Variants in DCPH1 observed in about 807,000 individuals in gnomAD.
The protein encoded by DCPH1 is damage control phosphatase 1.
chr6:151,464,356 T>G, the DCPH1 span: 1 of 748,232 alleles, frequency 1.3e-6, no homozygotes, highest in Non-Finnish European at 2.2e-6. Context: ...CTGTTAGCAC[T>G]GATTATTGAG....
chr6:151,466,369 G>GA, the DCPH1 span, among the ~76,000 whole-genome samples: 1 of 151,394 alleles, frequency 6.6e-6, no homozygotes, highest in Non-Finnish European at 1.5e-5. Context: ...TTCTTTGAAT[G>GA]TGTTCTTTGT....
chr6:151,468,980 C>A, the DCPH1 span: 4 of 1,614,170 alleles, frequency 2.5e-6, no homozygotes, highest in Non-Finnish European at 3.4e-6. Flanking sequence ...CCACTCTGTA[C>A]CATAAGAACA....
At chr6:151,461,367 G>A in the DCPH1 span, among the ~76,000 whole-genome samples, 2 of 150,742 alleles carry the variant, frequency 1.3e-5, no homozygotes, top group African/African-American at 2.4e-5. Flanking sequence ...AAGGAAGGTG[G>A]CTTCAAAAAT....
the DCPH1 span, chr6:151,452,775 A>AGGGAGCCTGCCCGCGGC: frequency 1.8e-6 from 1 of 570,718 alleles, no homozygotes; most frequent in South Asian, 2.2e-5. Flanking sequence ...GGCCCCGGGG[A>AGGGAGCCTGCCCGCGGC]GGGAGCCTGC....
chr6:151,453,540 G>A, the DCPH1 span, among the ~76,000 whole-genome samples: 2 of 152,162 alleles, frequency 1.3e-5, no homozygotes, highest in Non-Finnish European at 2.9e-5. Flanking sequence ...GTTTTGGGTG[G>A]TACTGAAAGC....
the DCPH1 span, among the ~76,000 whole-genome samples, chr6:151,456,087 G>C: frequency 2.6e-5 from 4 of 152,224 alleles, no homozygotes; most frequent in African/African-American, 7.2e-5. Flanking sequence ...TCTCAAGGCA[G>C]AAGAATTTTT....
the DCPH1 span, among the ~76,000 whole-genome samples, chr6:151,462,957 C>T: frequency 6.6e-6 from 1 of 152,168 alleles, no homozygotes; most frequent in East Asian, 1.9e-4. Flanking sequence ...GTCTCTGTTG[C>T]AGCTGCCGAA....
the DCPH1 span, among the ~76,000 whole-genome samples, chr6:151,456,132 A>G: frequency 1.3e-5 from 2 of 152,312 alleles, no homozygotes; most frequent in African/African-American, 2.4e-5. Flanking sequence ...TCCTATGTCT[A>G]CTTCTTTCTA....
At chr6:151,464,554 T>G in the DCPH1 span, 1 of 1,612,154 alleles carries the variant, frequency 6.2e-7, no homozygotes, top group Non-Finnish European at 8.5e-7. Flanking sequence ...CTGCAACAAT[T>G]GATAAGAACT....
the DCPH1 span, chr6:151,468,720 G>T: frequency 8.7e-6 from 14 of 1,614,156 alleles, no homozygotes; most frequent in Non-Finnish European, 1.1e-5. Flanking sequence ...ATAAGTGGAT[G>T]TCCAAGTGTG....
the DCPH1 span, chr6:151,468,936 A>G: frequency 1.9e-6 from 3 of 1,614,166 alleles, no homozygotes; most frequent in Admixed American, 1.7e-5. Context: ...TTTCTGTTCC[A>G]TTTCATCAGG....
At chr6:151,460,714 G>A in the DCPH1 span, among the ~76,000 whole-genome samples, 2 of 151,978 alleles carry the variant, frequency 1.3e-5, no homozygotes, top group South Asian at 2.1e-4. Context: ...AACCCAGGAG[G>A]CGGAGGTTGC....
the DCPH1 span, among the ~76,000 whole-genome samples, chr6:151,466,924 T>A: frequency 0.13 from 20,336 of 151,838 alleles, 1,684 homozygotes; most frequent in East Asian, 0.38. Context: ...GCCTTTTTTT[T>A]AAAAAAAATT....
At chr6:151,460,818 G>A in the DCPH1 span, among the ~76,000 whole-genome samples, 6 of 151,882 alleles carry the variant, frequency 4.0e-5, no homozygotes, top group African/African-American at 9.7e-5. Flanking sequence ...AAAAAACTCC[G>A]GTGCACTGCT....
the DCPH1 span, chr6:151,464,595 G>T: frequency 1.9e-6 from 3 of 1,608,046 alleles, no homozygotes; most frequent in Non-Finnish European, 1.7e-6. Context: ...TCAGCTGAAA[G>T]ATGAGTTTTT....
At chr6:151,463,608 A>G in the DCPH1 span, among the ~76,000 whole-genome samples, 2 of 152,220 alleles carry the variant, frequency 1.3e-5, no homozygotes, top group African/African-American at 4.8e-5. Flanking sequence ...GGAGGCAGCC[A>G]TCATTTGGAT....
At chr6:151,452,570 T>A in the DCPH1 span, 1 of 1,611,690 alleles carries the variant, frequency 6.2e-7, no homozygotes, top group South Asian at 1.1e-5. Flanking sequence ...GGCGTCTCTC[T>A]CAGGACAGGA....
At chr6:151,468,328 C>G in the DCPH1 span, 4 of 1,516,178 alleles carry the variant, frequency 2.6e-6, no homozygotes, top group African/African-American at 5.6e-5. Context: ...ATATTTTGTA[C>G]TTTTTCTTTT....
chr6:151,455,992 C>T, the DCPH1 span, among the ~76,000 whole-genome samples: 5 of 152,242 alleles, frequency 3.3e-5, no homozygotes, highest in East Asian at 1.9e-4. Flanking sequence ...CATCTTGCAC[C>T]GCCCTTAATC....
Sources: gnomAD v4.1 joint callset for allele counts (sites outside exome capture counted in the v4.1 genomes callset) on GRCh38, gnomAD v4.1.1 for gene constraint, MANE v1.5 for transcripts, NCBI Gene and HGNC (gene_info 2026-07-23, HGNC 2026-07-21) for gene names.